Variants in SLC16A10 observed in about 807,000 individuals in gnomAD.
SLC16A10 encodes the protein monocarboxylate transporter 10.
A neutral mutation model predicts 40.0 loss-of-function variants in SLC16A10; 27 were observed. The observed-to-expected ratio is 0.67, with a 90% confidence interval of 0.50 to 0.93. The LOEUF is 0.93. SLC16A10 is among the 40% of genes least tolerant of loss of function. SLC16A10 has a pLI of 0.00. For synonymous variants in SLC16A10, 213 were observed against 249.8 expected (o/e 0.85, Z 1.39); for missense variants, 529 against 658.2 (o/e 0.80, Z 2.15).
chr6:111,189,292 C>T (rs929080944), intron 3 of SLC16A10, among the ~76,000 whole-genome samples: 1 of 152,104 alleles, frequency 6.6e-6, no homozygotes, highest in African/African-American at 2.4e-5. Flanking sequence ...GTAAGTACAT[C>T]CTTTGGGTAA....
chr6:111,120,165 C>T (rs1028859137), intron 1 of SLC16A10, among the ~76,000 whole-genome samples: 10 of 152,222 alleles, frequency 6.6e-5, no homozygotes, highest in Admixed American at 4.6e-4. Flanking sequence ...GTCATTCTTC[C>T]AACATCCTTA....
chr6:111,124,053 G>A (rs1000868449), intron 1 of SLC16A10, among the ~76,000 whole-genome samples: 4 of 152,106 alleles, frequency 2.6e-5, no homozygotes, highest in Admixed American at 6.5e-5. Context: ...CGCATTAGGA[G>A]CAAACCAAAT....
chr6:111,171,534 A>C (rs1772585538), intron 1 of SLC16A10, among the ~76,000 whole-genome samples: 1 of 152,188 alleles, frequency 6.6e-6, no homozygotes, highest in Admixed American at 6.5e-5. Flanking sequence ...AAATACATAT[A>C]ATTTTCATAA....
intron 5 of SLC16A10, among the ~76,000 whole-genome samples, chr6:111,221,166 A>ACTTGG (rs1770881464): frequency 2.0e-5 from 3 of 152,188 alleles, no homozygotes; most frequent in Non-Finnish European, 4.4e-5. Context: ...AAGAGTTTAA[A>ACTTGG]AACACTAAGA....
At chr6:111,143,832 T>TGGA (rs1407996716) in intron 1 of SLC16A10, among the ~76,000 whole-genome samples, 1 of 152,124 alleles carries the variant, frequency 6.6e-6, no homozygotes, top group African/African-American at 2.4e-5. Context: ...ATATAAACTA[T>TGGA]GGACTTTGGG....
intron 1 of SLC16A10, among the ~76,000 whole-genome samples, chr6:111,100,021 C>CAAA (rs56154710): frequency 2.7e-5 from 3 of 112,596 alleles, no homozygotes; most frequent in Admixed American, 8.9e-5. Context: ...GACCCTGTCT[C>CAAA]AAAAAAAAAA....
intron 1 of SLC16A10, among the ~76,000 whole-genome samples, chr6:111,151,418 C>T (rs1009156234): frequency 3.3e-5 from 5 of 152,148 alleles, no homozygotes; most frequent in African/African-American, 1.2e-4. Flanking sequence ...CTTTTTTAAT[C>T]TAATGGATCA....
intron 1 of SLC16A10, among the ~76,000 whole-genome samples, chr6:111,146,608 G>A (rs1232481028): frequency 1.3e-5 from 2 of 149,248 alleles, no homozygotes; most frequent in Non-Finnish European, 3.0e-5. Context: ...TGGTGGGGGG[G>A]CGCCTGTAGT....
chr6:111,096,000 C>T (rs936889209), intron 1 of SLC16A10, among the ~76,000 whole-genome samples: 1 of 152,074 alleles, frequency 6.6e-6, no homozygotes, highest in Admixed American at 6.6e-5. Flanking sequence ...GTCATTACCT[C>T]CATGGATAGA....
At chr6:111,090,887 G>C (rs1448964180) in intron 1 of SLC16A10, among the ~76,000 whole-genome samples, 2 of 152,166 alleles carry the variant, frequency 1.3e-5, no homozygotes, top group African/African-American at 4.8e-5. Flanking sequence ...CCTGGTGTTA[G>C]AGTACAGCTA....
At chr6:111,208,397 G>A (rs1315732211) in intron 4 of SLC16A10, among the ~76,000 whole-genome samples, 2 of 152,144 alleles carry the variant, frequency 1.3e-5, no homozygotes, top group Non-Finnish European at 2.9e-5. Context: ...ATTAGACATG[G>A]TGAAACCCCG....
intron 1 of SLC16A10, among the ~76,000 whole-genome samples, chr6:111,148,842 C>T (rs1460892364): frequency 6.6e-6 from 1 of 152,192 alleles, no homozygotes; most frequent in Non-Finnish European, 1.5e-5. Context: ...GGCGTGGTGA[C>T]TCACGCCTGT....
At chr6:111,112,300 G>A (rs530158570) in intron 1 of SLC16A10, among the ~76,000 whole-genome samples, 1 of 152,288 alleles carries the variant, frequency 6.6e-6, no homozygotes, top group East Asian at 1.9e-4. Flanking sequence ...CTCCCAAGGT[G>A]CTGGGATTAT....
At chr6:111,113,544 T>C (rs777993670) in intron 1 of SLC16A10, among the ~76,000 whole-genome samples, 2 of 152,208 alleles carry the variant, frequency 1.3e-5, no homozygotes, top group Non-Finnish European at 2.9e-5. Context: ...GAACCAGTAA[T>C]AGAAAATTTC....
chr6:111,189,500 C>T (rs2114563012), intron 3 of SLC16A10, among the ~76,000 whole-genome samples: 1 of 152,224 alleles, frequency 6.6e-6, no homozygotes. Context: ...CTGTAGGACC[C>T]AATCATTGTT....
intron 3 of SLC16A10, among the ~76,000 whole-genome samples, chr6:111,183,096 G>A (rs1350723055): frequency 6.6e-6 from 1 of 152,120 alleles, no homozygotes; most frequent in African/African-American, 2.4e-5. Flanking sequence ...TTCCCTAAGA[G>A]TAAAAACCAA....
rs908377845 is a variant in SLC16A10, at chr6:111,100,398, CT to C, written c.343+12312del. ...TTGGATTTGGTTTATCTACAGTTGT[CT>C]TTTTTTTTGAGGTGGAGTCTCGCTT... On this transcript the variant is annotated intron_variant, in intron 1 of 5. Transcript: ENST00000368851. Among the ~76,000 whole-genome samples the C allele has an allele frequency of 4.6e-5, 7 of 151,144 alleles. No individual in the cohort carries two copies. In the East Asian group the frequency reaches 5.8e-4, roughly 13 times the overall value.
At chr6:111,145,638 T>C (rs2114508793) in intron 1 of SLC16A10, among the ~76,000 whole-genome samples, 1 of 152,168 alleles carries the variant, frequency 6.6e-6, no homozygotes, top group East Asian at 1.9e-4. Context: ...TACTTGAGGC[T>C]TGGAGTTCAA....
At chr6:111,214,212 A>G (rs1773386733) in intron 4 of SLC16A10, among the ~76,000 whole-genome samples, 1 of 152,358 alleles carries the variant, frequency 6.6e-6, no homozygotes, top group South Asian at 2.1e-4. Context: ...AACAAAAGCA[A>G]TATAGACATC....
Sources: gnomAD v4.1 joint callset for allele counts (sites outside exome capture counted in the v4.1 genomes callset) on GRCh38, gnomAD v4.1.1 for gene constraint, MANE v1.5 for transcripts, NCBI Gene and HGNC (gene_info 2026-07-23, HGNC 2026-07-21) for gene names.